The following PRSS55 variants were observed in gnomAD, a reference collection of about 807,000 sequenced individuals.
The protein encoded by PRSS55 is probable serine protease UNQ9391/PRO34284.
In PRSS55, 41 loss-of-function variants were observed where a neutral mutation model predicts 23.6. The observed-to-expected ratio is 1.74, with a 90% CI of 1.35 to 2.26. The LOEUF (loss-of-function observed/expected upper bound fraction) is 2.26. Ranked by LOEUF, PRSS55 falls within the 30% of genes most tolerant of loss-of-function variation. The pLI, the probability that PRSS55 is intolerant of heterozygous loss-of-function variation, is 0.00. For synonymous variants in PRSS55, 262 were observed against 175.5 expected, an observed-to-expected ratio of 1.49 and a Z score of -3.90; for missense variants, 669 against 439.1, an observed-to-expected ratio of 1.52 and a Z score of -4.68.
rs750734708 is a variant in PRSS55 at position 10,532,970 on chromosome 8, G to C, written c.663G>C (p.Glu221Asp). The C allele has an allele frequency of 7.9e-5, 128 of 1,614,084 alleles. No homozygotes were observed. The highest frequency in any genetic ancestry group is 5.1e-5 in the Non-Finnish European group (60 of 1,180,032). The change falls in exon 4 of 5, where the codon GAG (glutamate) becomes GAC (aspartate). Residue 221 changes from glutamate to aspartate, a missense_variant. Glu to Asp is a conservative substitution (Grantham distance 45). Coordinates refer to ENST00000328655, the MANE Select transcript of PRSS55 (RefSeq NM_198464.4). The stretch of plus-strand genomic sequence containing the variant: ...CAATGGTCATCATGGACTGGGAGGA[G>C]TGTTCAAAGATGTTTCCAAAACTTA... ...KAPMVIMDWE[E>D]CSKMFPKLTK...
At position 10,536,012 on chromosome 8, in the gene PRSS55, C is replaced by T. The variant is rs906066171; in HGVS notation, c.742-2464C>T. On this transcript the variant is annotated intron_variant, in intron 4 of 4. Coordinates refer to ENST00000328655, the MANE Select transcript of PRSS55 (RefSeq NM_198464.4). ...CCATCCTGGCTAACACGGTGAAACC[C>T]CGTCTCTACTGAAAATACAAAAAAT... Among the ~76,000 whole-genome samples, 6 of 152,260 alleles carry T rather than the reference C, an allele frequency of 3.9e-5. No homozygotes were observed. In the East Asian group the frequency reaches 1.2e-3, roughly 29 times the overall value.
intron 4 of PRSS55, among the ~76,000 whole-genome samples, chr8:10,552,676 A>C (rs1235486996): frequency 6.6e-6 from 1 of 152,234 alleles, no homozygotes; most frequent in African/African-American, 2.4e-5. Context: ...ACTTCTCAAC[A>C]TCACTAATCA....
chr8:10,538,849 C>T, downstream of PRSS55: 2 of 1,471,220 alleles, frequency 1.4e-6, no homozygotes, highest in Non-Finnish European at 1.8e-6. Context: ...AGTGCGTCTC[C>T]AGCAGAGGCT....
At chr8:10,548,423 G>T (rs1016691112) in intron 4 of PRSS55, among the ~76,000 whole-genome samples, 1 of 152,094 alleles carries the variant, frequency 6.6e-6, no homozygotes, top group African/African-American at 2.4e-5. Context: ...CCACCCTCCC[G>T]GTGGCTGCCA....
At chr8:10,544,562 G>C (rs1812766149) in intron 4 of PRSS55, among the ~76,000 whole-genome samples, 1 of 152,118 alleles carries the variant, frequency 6.6e-6, no homozygotes, top group South Asian at 2.1e-4. Context: ...TGGTTTTCCT[G>C]TATGATGCTT....
At chr8:10,532,859 G>A (rs771190603) in intron 3 of PRSS55, 47 bp from the exon 4 acceptor site, 1 of 1,611,492 alleles carries the variant, frequency 6.2e-7, no homozygotes, top group Admixed American at 1.7e-5. Context: ...CGAACGTGGG[G>A]ACATGAGGCC....
At chr8:10,533,170 G>C in intron 4 of PRSS55, 122 bp downstream of exon 4, 1 of 1,072,544 alleles carries the variant, frequency 9.3e-7, no homozygotes, top group Non-Finnish European at 1.3e-6. Flanking sequence ...ATGGGAATTA[G>C]GGCCTGCAGC....
intron 4 of PRSS55, among the ~76,000 whole-genome samples, chr8:10,547,051 G>C (rs980200236): frequency 2.0e-5 from 3 of 152,206 alleles, no homozygotes; most frequent in Non-Finnish European, 4.4e-5. Context: ...TAGCCCAGCA[G>C]ATGGCAGTGG....
At chr8:10,535,829 A>C (rs1173044258) in intron 4 of PRSS55, among the ~76,000 whole-genome samples, 4 of 152,230 alleles carry the variant, frequency 2.6e-5, no homozygotes, top group African/African-American at 9.6e-5. Flanking sequence ...CAAAGGTCTA[A>C]TATTCACAAT....
Position 10,532,899 on chromosome 8 carries a change from G to A in PRSS55, c.599-7G>A. Reference sequence around the variant, plus strand: ...GGCTTCTCTAATGCGCTTTCTCTCTGGGCCAGCTGACAAAAACTCTGTGAA... The same window carrying A: ...GGCTTCTCTAATGCGCTTTCTCTCTAGGCCAGCTGACAAAAACTCTGTGAA... On this transcript the variant is annotated splice_polypyrimidine_tract_variant and splice_region_variant and intron_variant, in intron 3 of 4. Coordinates refer to ENST00000328655, the MANE Select transcript of PRSS55 (RefSeq NM_198464.4). 1 of 1,614,140 alleles carries A rather than the reference G, an allele frequency of 6.2e-7. No individual in the cohort carries two copies. Among genetic ancestry groups the A allele is most frequent in the Non-Finnish European group, 8.5e-7 (1 of 1,179,998 alleles).
At chr8:10,537,014 A>C (rs1812479168) in intron 4 of PRSS55, among the ~76,000 whole-genome samples, 1 of 152,230 alleles carries the variant, frequency 6.6e-6, no homozygotes, top group African/African-American at 2.4e-5. Flanking sequence ...GTACCCTATG[A>C]ACGTAAAATA....
chr8:10,546,291 C>A (rs1812815641), intron 4 of PRSS55, among the ~76,000 whole-genome samples: 1 of 152,198 alleles, frequency 6.6e-6, no homozygotes, highest in African/African-American at 2.4e-5. Flanking sequence ...GCCTGCCATA[C>A]ACTGAACACT....
At chr8:10,531,622 T>G (rs1219605742) in intron 3 of PRSS55, 77 bp downstream of exon 3, 8 of 1,569,670 alleles carry the variant, frequency 5.1e-6, no homozygotes, top group Non-Finnish European at 6.9e-6. Flanking sequence ...AAGGAAGGAG[T>G]GAGGACAAGA....
At chr8:10,542,251 G>A (rs960662250), downstream of PRSS55, among the ~76,000 whole-genome samples, 8 of 152,172 alleles carry the variant, frequency 5.3e-5, no homozygotes, top group African/African-American at 1.4e-4. Flanking sequence ...GCCCCAGTGC[G>A]GATGTGTGGG....
chr8:10,534,590 A>G (rs1409580342), intron 4 of PRSS55, among the ~76,000 whole-genome samples: 1 of 152,174 alleles, frequency 6.6e-6, no homozygotes, highest in Non-Finnish European at 1.5e-5. Flanking sequence ...GCCCTCTATG[A>G]CAAACCCACA....
chr8:10,529,728 C>G, intron 2 of PRSS55, 29 bp downstream of exon 2: 3 of 1,594,718 alleles, frequency 1.9e-6, no homozygotes, highest in Non-Finnish European at 2.6e-6. Flanking sequence ...CCACTGCCAC[C>G]TCTCAGGGCG....
At chr8:10,540,596 T>G (rs147780568), downstream of PRSS55, 2,130 of 152,122 alleles carry the variant, frequency 0.014, 22 homozygotes, top group Non-Finnish European at 0.02. Context: ...GCACCTGTAA[T>G]CCCAGCCAAT....
intron 2 of PRSS55, among the ~76,000 whole-genome samples, chr8:10,529,994 C>A (rs1487970202): frequency 6.6e-6 from 1 of 152,184 alleles, no homozygotes; most frequent in African/African-American, 2.4e-5. Flanking sequence ...GGTCCAAATG[C>A]CTCTCCTAGG....
downstream of PRSS55, chr8:10,540,395 G>C (rs1812617033): frequency 6.6e-6 from 1 of 152,242 alleles, no homozygotes; most frequent in Non-Finnish European, 1.5e-5. Flanking sequence ...GCCTGGCTGA[G>C]TGTTCTCCAG....
Sources: gnomAD v4.1 joint callset for allele counts (sites outside exome capture counted in the v4.1 genomes callset) on GRCh38, gnomAD v4.1.1 for gene constraint, MANE v1.5 for transcripts, NCBI Gene and HGNC (gene_info 2026-07-23, HGNC 2026-07-21) for gene names.